The following CDH4 variants were observed in gnomAD, a reference collection of about 807,000 sequenced individuals.
CDH4 encodes the protein cadherin-4.
A neutral mutation model predicts 86.0 loss-of-function variants in CDH4; 33 were observed. The ratio of observed to expected loss-of-function variants is 0.38; its 90% confidence interval spans 0.29 to 0.51. The LOEUF is 0.51. Ranked by LOEUF, CDH4 falls within the 20% of genes least tolerant of loss-of-function variation. The pLI is 0.86. For missense variants in CDH4, 1,114 were observed against 1,307.4 expected (o/e 0.85, Z 2.28); for synonymous variants, 555 against 549.4 (o/e 1.01, Z -0.14).
In CDH4 at chr20:61,254,809, C is replaced by T; in HGVS notation, c.58-17C>T. ...CTGTGAACTTATTGTTTTACACTCT[C>T]CCCTTTGTGTTCTCAGGCCCATAAT... On this transcript the variant is annotated splice_polypyrimidine_tract_variant and intron_variant, in intron 1 of 15. Coordinates refer to ENST00000614565, the MANE Select transcript of CDH4 (RefSeq NM_001794.5). 2 of 1,396,736 alleles carry T rather than the reference C, an allele frequency of 1.4e-6. No individual in the cohort carries two copies. The highest frequency in any genetic ancestry group is 2.0e-6 in the Non-Finnish European group (2 of 981,842). The allele number at this position is 1,396,736 out of a possible 1,614,324, so 86.5% of individuals were successfully genotyped here.
chr20:61,826,563 TG>T (rs1244587456), intron 4 of CDH4, among the ~76,000 whole-genome samples: 1 of 151,732 alleles, frequency 6.6e-6, no homozygotes, highest in Non-Finnish European at 1.5e-5. Context: ...GTGATGGGGG[TG>T]GGGGTGGTTT....
intron 2 of CDH4, chr20:61,717,818 TGCCCCCC>T (rs201515951): frequency 0.069 from 10,496 of 152,406 alleles, 537 homozygotes; most frequent in African/African-American, 0.15. Flanking sequence ...ATCACCGCCC[TGCCCCCC>T]GCCCCCAGCC....
intron 2 of CDH4, among the ~76,000 whole-genome samples, chr20:61,491,683 A>C (rs1051853080): frequency 5.3e-5 from 8 of 152,082 alleles, no homozygotes; most frequent in African/African-American, 1.9e-4. Context: ...TATTGATGCT[A>C]GTTGTGTTGA....
intron 2 of CDH4, among the ~76,000 whole-genome samples, chr20:61,445,080 G>A (rs2085340963): frequency 6.6e-6 from 1 of 152,078 alleles, no homozygotes; most frequent in Non-Finnish European, 1.5e-5. Flanking sequence ...TTCCCATCTT[G>A]GTGCTTGCTA....
chr20:61,903,610 C>G (rs2054753726), intron 8 of CDH4, among the ~76,000 whole-genome samples: 1 of 142,990 alleles, frequency 7.0e-6, no homozygotes, highest in South Asian at 2.2e-4. Flanking sequence ...TCCCATTTTT[C>G]TACCATGAGC....
In CDH4 at chr20:61,396,483, C is replaced by T. The variant is rs2085018031; in HGVS notation, c.169+141546C>T. Reference sequence around the variant, plus strand: ...CAAATTGCGTTCTGCGCATAGACCACCTGGGGTGCTGCCCCCTCACAGCAC... The same window carrying T: ...CAAATTGCGTTCTGCGCATAGACCATCTGGGGTGCTGCCCCCTCACAGCAC... On this transcript the variant is annotated intron_variant, in intron 2 of 15. Coordinates refer to ENST00000614565, the MANE Select transcript of CDH4 (RefSeq NM_001794.5). Among the ~76,000 whole-genome samples the T allele has an allele frequency of 3.3e-5, 5 of 152,220 alleles. No individual in the cohort carries two copies. The South Asian group carries it at 8.3e-4, about 25-fold the overall frequency.
chr20:61,705,119 A>T (rs2087815658), intron 2 of CDH4, among the ~76,000 whole-genome samples: 1 of 152,212 alleles, frequency 6.6e-6, no homozygotes, highest in Non-Finnish European at 1.5e-5. Context: ...TTTAGGACAC[A>T]GGGGCCTTGT....
intron 2 of CDH4, among the ~76,000 whole-genome samples, chr20:61,337,348 A>AATGATGGTGATG (rs2084624743): frequency 0.018 from 8 of 442 alleles, no homozygotes; most frequent in African/African-American, 0.053. Context: ...TGGTGATGAT[A>AATGATGGTGATG]ACAATGGTGA....
At chr20:61,302,204 C>T (rs903420390) in intron 2 of CDH4, among the ~76,000 whole-genome samples, 4 of 152,158 alleles carry the variant, frequency 2.6e-5, no homozygotes, top group African/African-American at 4.8e-5. Flanking sequence ...CGAGCCCTCA[C>T]CACAGGGCCG....
chr20:61,314,893 C>G (rs1275913558), intron 2 of CDH4, among the ~76,000 whole-genome samples: 3 of 152,196 alleles, frequency 2.0e-5, no homozygotes, highest in African/African-American at 7.2e-5. Flanking sequence ...ATATTGAGCA[C>G]TTTTTCATAA....
At chr20:61,891,746 C>T (rs544619277) in intron 7 of CDH4, among the ~76,000 whole-genome samples, 1 of 152,334 alleles carries the variant, frequency 6.6e-6, no homozygotes, top group South Asian at 2.1e-4. Context: ...ACACCCCAGA[C>T]CCTGATTGGC....
At chr20:61,869,819 G>A (rs989355232) in intron 6 of CDH4, among the ~76,000 whole-genome samples, 1 of 152,224 alleles carries the variant, frequency 6.6e-6, no homozygotes, top group Non-Finnish European at 1.5e-5. Flanking sequence ...CTCCTGCCTG[G>A]CCTTCGGGGA....
rs1251914558 is a variant in CDH4, at chr20:61,254,950, G to T, written c.169+13G>T. ...AAGCTACTTCAAGGTAAGGCGGGGTGTGGAGGGGTGGGAGTGAATTGCTGC... is the reference window on the plus strand; with the variant it reads ...AAGCTACTTCAAGGTAAGGCGGGGTTTGGAGGGGTGGGAGTGAATTGCTGC... On this transcript the variant is annotated intron_variant, in intron 2 of 15. Transcript: ENST00000614565. The T allele has an allele frequency of 2.1e-6, 3 of 1,447,448 alleles. No individual in the cohort carries two copies. Among genetic ancestry groups the T allele is most frequent in the African/African-American group, 2.8e-5 (2 of 71,686 alleles). 89.7% of individuals were successfully genotyped at this position (1,447,448 alleles called of 1,614,324 possible). A position where few individuals can be genotyped will look rare whatever the true frequency, so the allele number is the denominator to read the frequency against.
chr20:61,888,109 A>G (rs1204270289), intron 7 of CDH4, among the ~76,000 whole-genome samples: 2 of 152,186 alleles, frequency 1.3e-5, no homozygotes, highest in Non-Finnish European at 2.9e-5. Context: ...CCTGTCAGAA[A>G]ACCTGATTCC....
At position 61,544,756 on chromosome 20, in the gene CDH4, G is replaced by A. The variant is rs2086065200; in HGVS notation, c.170-198807G>A. ...GTTGTAAAACCACCTGAATGAATTG[G>A]CTTGGTCCATGGACTGGAAGCCTGA... On this transcript the variant is annotated intron_variant, in intron 2 of 15. Transcript: ENST00000614565. This position sits in a 1 kb window ranked among gnomAD's most constrained non-coding sequence, Gnocchi z 6.5. Among the ~76,000 whole-genome samples, 1 of 152,078 alleles carries A rather than the reference G, an allele frequency of 6.6e-6. No individual in the cohort carries two copies. Among genetic ancestry groups the A allele is most frequent in the Non-Finnish European group, 1.5e-5 (1 of 68,036 alleles).
intron 4 of CDH4, among the ~76,000 whole-genome samples, chr20:61,828,770 G>A (rs2146078096): frequency 6.6e-6 from 1 of 152,314 alleles, no homozygotes; most frequent in South Asian, 2.1e-4. Flanking sequence ...TTATAAGCTA[G>A]GCATGATTAT....
Position 61,637,339 on chromosome 20 carries a change from A to G in CDH4, c.170-106224A>G, listed in dbSNP as rs184075652. 2.0e-5 allele frequency among the ~76,000 whole-genome samples: 3 copies of G among 152,188 alleles called. No homozygotes were observed. In the East Asian group the frequency reaches 5.8e-4, roughly 30 times the overall value. On this transcript the variant is annotated intron_variant, in intron 2 of 15. Coordinates refer to ENST00000614565, the MANE Select transcript of CDH4 (RefSeq NM_001794.5). ...TCCCACGACCAGAGAGACCTCCCCT[A>G]CCCGCAGCCCTGAGGCTGAATCTGG... is the stretch of plus-strand genomic sequence containing the variant.
intron 2 of CDH4, among the ~76,000 whole-genome samples, chr20:61,343,935 T>A (rs1309263949): frequency 2.6e-5 from 4 of 151,790 alleles, no homozygotes; most frequent in South Asian, 2.1e-4. Context: ...AAAAAAAAAA[T>A]AAACACTGAA....
At chr20:61,292,017 G>GT (rs2084324292) in intron 2 of CDH4, among the ~76,000 whole-genome samples, 1 of 152,180 alleles carries the variant, frequency 6.6e-6, no homozygotes, top group Non-Finnish European at 1.5e-5. Context: ...CTGTTCCTGC[G>GT]TAAGTTTGCT....
Sources: gnomAD v4.1 joint callset for allele counts (sites outside exome capture counted in the v4.1 genomes callset) on GRCh38, gnomAD v4.1.1 for gene constraint, Gnocchi (gnomAD v3.1) non-coding constraint, MANE v1.5 for transcripts, NCBI Gene and HGNC (gene_info 2026-07-23, HGNC 2026-07-21) for gene names.